AHCY: variants seen among roughly 807,000 people sequenced by gnomAD.
AHCY encodes the protein S-adenosyl-L-homocysteine hydrolase.
A neutral mutation model predicts 45.4 loss-of-function variants in AHCY; 24 were observed. The ratio of observed to expected loss-of-function variants is 0.53; its 90% CI spans 0.38 to 0.74. The LOEUF is 0.74. Ranked by LOEUF, AHCY falls within the 30% of genes least tolerant of loss-of-function variation. The pLI, the probability that AHCY is intolerant of heterozygous loss-of-function variation, is 0.00. For synonymous variants in AHCY, 245 were observed against 235.1 expected (o/e 1.04, Z -0.39); for missense variants, 449 against 594.1 (o/e 0.76, Z 2.54).
chr20:34,252,297 T>C, the AHCY span, among the ~76,000 whole-genome samples: 1 of 152,202 alleles, frequency 6.6e-6, no homozygotes, highest in East Asian at 1.9e-4. Context: ...TTATTGATTA[T>C]TATTTTTACT....
the AHCY span, among the ~76,000 whole-genome samples, chr20:34,253,261 A>G: frequency 6.6e-6 from 1 of 151,066 alleles, no homozygotes; most frequent in Non-Finnish European, 1.5e-5. Context: ...GTCTGCCACC[A>G]CGCCCGCCTA....
At chr20:34,268,484 A>C in the AHCY span, among the ~76,000 whole-genome samples, 1 of 152,196 alleles carries the variant, frequency 6.6e-6, no homozygotes, top group Non-Finnish European at 1.5e-5. Flanking sequence ...GCACTTTGGG[A>C]GGCCGAGGCA....
chr20:34,308,024 C>T (rs2036913355), upstream of AHCY, among the ~76,000 whole-genome samples: 1 of 152,128 alleles, frequency 6.6e-6, no homozygotes, highest in African/African-American at 2.4e-5. Context: ...TATTTAGCTT[C>T]CACTTATAAG....
the AHCY span, among the ~76,000 whole-genome samples, chr20:34,237,495 T>A: frequency 6.6e-6 from 1 of 152,250 alleles, no homozygotes; most frequent in Non-Finnish European, 1.5e-5. Context: ...GTAACTGATA[T>A]AACTTTGTAT....
chr20:34,305,020 G>T (rs1022932051), upstream of AHCY, among the ~76,000 whole-genome samples: 2 of 149,014 alleles, frequency 1.3e-5, no homozygotes, highest in African/African-American at 2.5e-5. Flanking sequence ...AATGAGAAAA[G>T]AATTAAACTC....
intron 1 of AHCY, among the ~76,000 whole-genome samples, chr20:34,297,088 CCAA>C (rs2122793294): frequency 6.6e-6 from 1 of 152,150 alleles, no homozygotes; most frequent in Non-Finnish European, 1.5e-5. Context: ...AGGCCAAGCT[CCAA>C]CAAGGCTGTG....
the AHCY span, chr20:34,269,216 C>T: frequency 1.4e-6 from 2 of 1,439,048 alleles, no homozygotes; most frequent in Non-Finnish European, 1.8e-6. Flanking sequence ...GGACGCGGGG[C>T]GCTTCTCGGG....
chr20:34,282,311 T>C (rs1350562235), intron 9 of AHCY, among the ~76,000 whole-genome samples: 1 of 152,180 alleles, frequency 6.6e-6, no homozygotes. Context: ...AGACCTCCTG[T>C]CAACAGCGAT....
the AHCY span, among the ~76,000 whole-genome samples, chr20:34,260,053 T>TA: frequency 3.3e-5 from 5 of 151,974 alleles, no homozygotes; most frequent in East Asian, 5.8e-4. Flanking sequence ...CCACAGACAT[T>TA]AAAAAAACAC....
chr20:34,276,615 C>A (rs1261402528), downstream of AHCY, among the ~76,000 whole-genome samples: 1 of 152,100 alleles, frequency 6.6e-6, no homozygotes, highest in Non-Finnish European at 1.5e-5. Context: ...GTCTTTAGAA[C>A]CCTTGCAAGG....
intron 4 of AHCY, among the ~76,000 whole-genome samples, chr20:34,292,005 T>C (rs962975851): frequency 2.0e-5 from 3 of 152,246 alleles, no homozygotes; most frequent in Non-Finnish European, 2.9e-5. Context: ...AAGGCTCCCT[T>C]TGCTCACTGC....
At chr20:34,252,783 T>C in the AHCY span, among the ~76,000 whole-genome samples, 1 of 152,252 alleles carries the variant, frequency 6.6e-6, no homozygotes, top group African/African-American at 2.4e-5. Context: ...CCTTGGACAA[T>C]ACCCAGGCTT....
intron 5 of AHCY, 103 bp downstream of exon 5, chr20:34,291,316 G>A (rs2036383621): frequency 9.1e-7 from 1 of 1,103,692 alleles, no homozygotes; most frequent in South Asian, 1.2e-5. Flanking sequence ...CTCAAATGAG[G>A]GCTTCATGTC....
intron 8 of AHCY, among the ~76,000 whole-genome samples, chr20:34,286,987 C>T (rs890510888): frequency 3.9e-5 from 6 of 152,116 alleles, no homozygotes; most frequent in African/African-American, 1.2e-4. Flanking sequence ...AGCCTCAGTG[C>T]CCCAGTCCTC....
chr20:34,308,805 C>G, intron 1 of AHCY, among the ~76,000 whole-genome samples: 1 of 151,530 alleles, frequency 6.6e-6, no homozygotes, highest in Non-Finnish European at 1.5e-5. Context: ...AAGCACCCAC[C>G]ACGATGCCCA....
At chr20:34,268,746 AAAAC>A in the AHCY span, among the ~76,000 whole-genome samples, 36 of 148,192 alleles carry the variant, frequency 2.4e-4, no homozygotes, top group African/African-American at 3.5e-4. Context: ...AAAAAAACAA[AAAAC>A]AAACAAACAA....
chr20:34,291,161 G>A (rs1337929776), intron 5 of AHCY, among the ~76,000 whole-genome samples: 1 of 152,174 alleles, frequency 6.6e-6, no homozygotes, highest in Non-Finnish European at 1.5e-5. Flanking sequence ...GCCTTCCTAG[G>A]CATCAGTTAC....
At chr20:34,262,885 T>C in the AHCY span, 6 of 1,613,994 alleles carry the variant, frequency 3.7e-6, no homozygotes, top group Admixed American at 8.3e-5. Flanking sequence ...AAAGAAAAGA[T>C]CTTCTAAGGT....
rs1034753387 is a variant in AHCY, at chr20:34,281,223, C to T, written c.1168-58G>A. On this transcript the variant is annotated intron_variant, in intron 9 of 9. Coordinates refer to ENST00000217426, the MANE Select transcript of AHCY (RefSeq NM_000687.4). ...TGCCATTTTCTGGGACCCCTACACGCGTCTGGCTGCCAATAGAGGCAGAAG... is the reference window on the plus strand; with the variant it reads ...TGCCATTTTCTGGGACCCCTACACGTGTCTGGCTGCCAATAGAGGCAGAAG... The T allele has an allele frequency of 1.1e-5, 18 of 1,606,848 alleles. No individual in the cohort carries two copies. The Admixed American group carries it at 1.5e-4, about 13-fold the overall frequency.
Sources: gnomAD v4.1 joint callset for allele counts (sites outside exome capture counted in the v4.1 genomes callset) on GRCh38, gnomAD v4.1.1 for gene constraint, MANE v1.5 for transcripts, NCBI Gene and HGNC (gene_info 2026-07-23, HGNC 2026-07-21) for gene names.